Variants in ANKRD13D observed in about 807,000 individuals in gnomAD.
The protein encoded by ANKRD13D is ankyrin repeat domain-containing protein 13D.
Under a neutral mutation model 68.8 loss-of-function variants are expected in ANKRD13D, and 24 were observed. The ratio of observed to expected loss-of-function variants is 0.35; its 90% confidence interval spans 0.25 to 0.49. ANKRD13D has a LOEUF of 0.49. Among genes scored for constraint, ANKRD13D ranks in the 20% least tolerant of loss-of-function variants. The probability of loss-of-function intolerance (pLI) is 0.99; values close to 1 mark genes in which losing one functional copy is unlikely to be tolerated. For synonymous variants in ANKRD13D, 331 were observed against 336.1 expected (o/e 0.98, Z 0.16); for missense variants, 735 against 832.1 (o/e 0.88, Z 1.44).
rs1312273858 is a variant in ANKRD13D, at chr11:67,289,480, C to T, written c.20C>T (p.Thr7Ile). The change falls in exon 1 of 15, where the codon ACC becomes ATC. Residue 7 changes from threonine to isoleucine, a missense_variant. By Grantham distance (89) the Thr-to-Ile change is moderately conservative. Coordinates refer to ENST00000511455, the MANE Select transcript of ANKRD13D (RefSeq NM_207354.3). The part of the protein sequence containing the change: MAGPGP[T>I]FPLHRLVWAN... ...CCCAGCATGGCCGGCCCGGGCCCCA[C>T]CTTCCCGCTGCACCGGCTCGTCTGG... 3 of 1,509,946 alleles carry T rather than the reference C, an allele frequency of 2.0e-6. No homozygotes were observed. The highest frequency in any genetic ancestry group is 2.9e-5 in the African/African-American group (2 of 69,426). 93.5% of individuals were successfully genotyped at this position (1,509,946 alleles called of 1,614,324 possible).
Position 67,290,627 on chromosome 11 carries a change from C to T in ANKRD13D, c.351+181C>T. The T allele has an allele frequency of 3.1e-6, 3 of 982,402 alleles. No individual in the cohort carries two copies. The South Asian group carries it at 5.4e-5, about 18-fold the overall frequency. The allele number at this position is 982,402 out of a possible 1,614,324, so 60.9% of individuals were successfully genotyped here. ...CGTAGGAAAGAGAGACGGCCAGGCT[C>T]ACGTGGGAGAGACTGGACCCTTTGG... is the stretch of plus-strand genomic sequence containing the variant. On this transcript the variant is annotated intron_variant, in intron 3 of 14. Coordinates refer to ENST00000511455, the MANE Select transcript of ANKRD13D (RefSeq NM_207354.3).
intron 3 of ANKRD13D, 124 bp from the exon 4 acceptor site, chr11:67,291,352 A>C (rs1207912404): frequency 1.4e-5 from 2 of 143,198 alleles, no homozygotes; most frequent in Non-Finnish European, 2.7e-5. Context: ...AGCAAGTCTC[A>C]AAAAAAAAAA....
chr11:67,300,113 A>G lies in ANKRD13D; in HGVS notation c.1063A>G (p.Lys355Glu). 2 of 1,613,960 alleles carry G rather than the reference A, an allele frequency of 1.2e-6. No homozygotes were observed. The highest frequency in any genetic ancestry group is 2.2e-5 in the South Asian group (2 of 91,080). The change falls in exon 10 of 15, where the codon AAA becomes GAA. Residue 355 changes from lysine (K) to glutamate (E), a missense_variant. By Grantham distance (56) the Lys-to-Glu change is moderately conservative. Coordinates refer to ENST00000511455, the MANE Select transcript of ANKRD13D (RefSeq NM_207354.3). This position sits in a 1 kb window ranked among gnomAD's most constrained non-coding sequence, Gnocchi z 4.3. Reference sequence around the variant, plus strand: ...TGGCCGCCCCATCGAGATGTCCAGCAAAGTACAGAGGTGAGGTCTGAGAGC... The same window carrying G: ...TGGCCGCCCCATCGAGATGTCCAGCGAAGTACAGAGGTGAGGTCTGAGAGC... ...NIGRPIEMSS[K>E]VQRFKATLWL...
At position 67,301,772 on chromosome 11, in the gene ANKRD13D, C is replaced by G. The variant is rs543185904; in HGVS notation, c.1553C>G (p.Ala518Gly). The G allele has an allele frequency of 4.3e-4, 688 of 1,610,042 alleles. 5 individuals carry two copies. The East Asian group carries it at 0.012, about 27-fold the overall frequency. The change falls in exon 14 of 15, where the codon GCC becomes GGC. Residue 518 changes from alanine to glycine, a missense_variant. Ala to Gly is a moderately conservative substitution (Grantham distance 60). Transcript: ENST00000511455. This position sits in a 1 kb window ranked among gnomAD's most constrained non-coding sequence, Gnocchi z 4.5. ...GCCCTGACCAACACCCGGCCCGGTG[C>G]CCGCCCTCCTCCCCAGGCCACGGTT... ...WEALTNTRPG[A>G]RPPPQATVYE...
At chr11:67,289,837 A>G in intron 1 of ANKRD13D, 1 of 1,424,116 alleles carries the variant, frequency 7.0e-7, no homozygotes, top group Non-Finnish European at 9.1e-7. Flanking sequence ...AGGTTCCGCC[A>G]AACTCCTGAC....
rs201807860 is a variant in ANKRD13D at position 67,301,294 on chromosome 11, T to C, written c.1244T>C (p.Phe415Ser). ...TGTCTTCTCACAGAGATTCCCCTTTTCCACGTGCTCAATGCCCGCATCACC... is the reference window on the plus strand; with the variant it reads ...TGTCTTCTCACAGAGATTCCCCTTTCCCACGTGCTCAATGCCCGCATCACC... ...GFPVKIEIPL[F>S]HVLNARITFS... is the part of the protein sequence containing the mutation. Residue 415 changes from phenylalanine (F) to serine (S), a missense_variant, in exon 12 of 15, where the codon TTC (phenylalanine) becomes TCC (serine). Physicochemically the swap from Phe to Ser is radical, Grantham distance 155. Coordinates refer to ENST00000511455, the MANE Select transcript of ANKRD13D (RefSeq NM_207354.3). The surrounding 1 kb of genome is among the most constrained non-coding windows in gnomAD (Gnocchi z 4.5). 4 of 1,612,230 alleles carry C rather than the reference T, an allele frequency of 2.5e-6. No individual in the cohort carries two copies. The highest frequency in any genetic ancestry group is 1.7e-5 in the Admixed American group (1 of 59,788).
chr11:67,291,634 T>C lies in ANKRD13D; in HGVS notation c.429T>C (p.Asp143=). Residue 143 remains aspartate, a synonymous_variant, in exon 5 of 15, where the codon GAT becomes GAC. Transcript: ENST00000511455. ...VPLVSKMCPS[D]VYRVWKRGES... is the part of the protein sequence containing the mutation. ...TTGTGTCTAAGATGTGCCCAAGCGA[T>C]GTGTACCGCGTGTGGAAGCGGGGTG... 2.5e-6 allele frequency: 4 copies of C among 1,614,012 alleles called. No individual in the cohort carries two copies. The highest frequency in any genetic ancestry group is 3.4e-6 in the Non-Finnish European group (4 of 1,180,032).
chr11:67,289,687 C>T (rs1311413908), intron 1 of ANKRD13D, 137 bp downstream of exon 1: 1 of 1,293,230 alleles, frequency 7.7e-7, no homozygotes, highest in African/African-American at 1.6e-5. Context: ...CCTGCACGAT[C>T]CCAAGCCCAG....
At chr11:67,298,056 CTTTTTTTTTTTT>C (rs200939455) in intron 6 of ANKRD13D, 2 of 130,000 alleles carry the variant, frequency 1.5e-5, no homozygotes, top group African/African-American at 7.6e-5. Context: ...TTGAGGTTTT[CTTTTTTTTTTTT>C]TTTTTTTTTT....
chr11:67,302,362 A>C lies in ANKRD13D; in HGVS notation c.*30A>C. On this transcript the variant is annotated 3_prime_UTR_variant, in exon 15 of 15. Transcript: ENST00000511455. ...TAGCCCCGGGAGGGCTGGCCAGGCC[A>C]CTCCCTGCCCGCTTTTGTAATTTAT... 6.9e-7 allele frequency: 1 copy of C among 1,454,926 alleles called. No homozygotes were observed. Among genetic ancestry groups the C allele is most frequent in the Non-Finnish European group, 9.1e-7 (1 of 1,097,116 alleles). The allele number at this position is 1,454,926 out of a possible 1,614,324, so 90.1% of individuals were successfully genotyped here.
In ANKRD13D at chr11:67,292,090, C is replaced by G; in HGVS notation, c.641C>G (p.Ala214Gly). ...TLQEPETLLA[A>G]MRPSEEHVAS... ...CAGGAGCCCGAAACACTGCTGGCCG[C>G]CATGCGGCCCAGCGAGGAGCATGTG... is the stretch of plus-strand genomic sequence containing the variant. Residue 214 changes from alanine to glycine, a missense_variant, in exon 6 of 15, where the codon GCC becomes GGC. By Grantham distance (60) the Ala-to-Gly change is moderately conservative. Transcript: ENST00000511455. 6.2e-7 allele frequency: 1 copy of G among 1,612,506 alleles called. No homozygotes were observed. The highest frequency in any genetic ancestry group is 8.5e-7 in the Non-Finnish European group (1 of 1,178,956).
chr11:67,296,826 C>T (rs1860772582), intron 6 of ANKRD13D, among the ~76,000 whole-genome samples: 1 of 152,012 alleles, frequency 6.6e-6, no homozygotes, highest in South Asian at 2.1e-4. Flanking sequence ...CTCACTATGT[C>T]ATCCAGGCTG....
intron 3 of ANKRD13D, chr11:67,290,821 C>G (rs1244707355): frequency 9.5e-6 from 2 of 211,008 alleles, no homozygotes; most frequent in Non-Finnish European, 2.0e-5. Context: ...TATCTCATAC[C>G]CCCTACCCCA....
chr11:67,302,236 G>T lies in ANKRD13D; in HGVS notation c.1722G>T (p.Glu574Asp). Residue 574 changes from glutamate (E) to aspartate (D), a missense_variant, in exon 15 of 15, where the codon GAG becomes GAT. Transcript: ENST00000511455. ...SFEEQLRLALELSSREQEERE... is the reference protein window; with the variant it reads ...SFEEQLRLALDLSSREQEERE... The stretch of plus-strand genomic sequence containing the variant: ...AAGAGCAGCTGCGCCTGGCCCTGGA[G>T]TTGTCTTCACGGGAGCAGGAGGAGC... 3 of 1,576,944 alleles carry T rather than the reference G, an allele frequency of 1.9e-6. No individual in the cohort carries two copies. The highest frequency in any genetic ancestry group is 1.7e-6 in the Non-Finnish European group (2 of 1,161,212).
chr11:67,291,510 T>C lies in ANKRD13D; in HGVS notation c.386T>C (p.Phe129Ser). Residue 129 changes from phenylalanine to serine, a missense_variant, in exon 4 of 15, where the codon TTC becomes TCC. By Grantham distance (155) the Phe-to-Ser change is radical. Transcript: ENST00000511455. ...TTCTACGTTGAGATGAAGTGGGAGT[T>C]CACCAGCTGGGGTGAGTGGGGACCT... is the stretch of plus-strand genomic sequence containing the variant. Reference protein sequence around the residue: ...PDFYVEMKWEFTSWVPLVSKM... With the variant: ...PDFYVEMKWESTSWVPLVSKM... 6.2e-7 allele frequency: 1 copy of C among 1,613,926 alleles called. No homozygotes were observed. Among genetic ancestry groups the C allele is most frequent in the Non-Finnish European group, 8.5e-7 (1 of 1,179,966 alleles).
chr11:67,289,309 CCTGCCGCCCGCG>C lies in ANKRD13D; in HGVS notation c.-143_-132del, dbSNP rs1291501402. The C allele has an allele frequency of 5.6e-5, 15 of 266,124 alleles. No homozygotes were observed. Among genetic ancestry groups the C allele is most frequent in the South Asian group, 5.2e-4 (4 of 7,746 alleles). 16.5% of individuals were successfully genotyped at this position (266,124 alleles called of 1,614,324 possible). On this transcript the variant is annotated 5_prime_UTR_variant, in exon 1 of 15. Transcript: ENST00000511455. ...CCGCTCCGCCGCCCGCCCCGCCCTCCCTGCCGCCCGCGCTGCCGCCGCCGCCGCCGCCGCCGC... is the reference window on the plus strand; with the variant it reads ...CCGCTCCGCCGCCCGCCCCGCCCTCCCTGCCGCCGCCGCCGCCGCCGCCGC...
intron 6 of ANKRD13D, among the ~76,000 whole-genome samples, chr11:67,293,150 T>TC (rs1355746623): frequency 1.3e-5 from 2 of 152,234 alleles, no homozygotes; most frequent in African/African-American, 4.8e-5. Flanking sequence ...AATTTCTCTT[T>TC]CATATGTTTT....
At position 67,301,823 on chromosome 11, in the gene ANKRD13D, G is replaced by T. The variant is rs778572218; in HGVS notation, c.1604G>T (p.Arg535Leu). 6.3e-7 allele frequency: 1 copy of T among 1,591,746 alleles called. No homozygotes were observed. The highest frequency in any genetic ancestry group is 2.3e-5 in the East Asian group (1 of 44,124). The change falls in exon 14 of 15, where the codon CGG (arginine) becomes CTG (leucine). Residue 535 changes from arginine to leucine, a missense_variant and splice_region_variant. Arg to Leu is a moderately radical substitution (Grantham distance 102). Transcript: ENST00000511455. This position sits in a 1 kb window ranked among gnomAD's most constrained non-coding sequence, Gnocchi z 4.5. Reference sequence around the variant, plus strand: ...TATGAGGAACAGCTTCAGCTGGAGCGGTGAGCCCCTCATGGGGCTGGCTGG... The same window carrying T: ...TATGAGGAACAGCTTCAGCTGGAGCTGTGAGCCCCTCATGGGGCTGGCTGG... ...TVYEEQLQLE[R>L]ALQESLQLST...
At chr11:67,293,822 AC>A (rs1860668685) in intron 6 of ANKRD13D, among the ~76,000 whole-genome samples, 1 of 152,110 alleles carries the variant, frequency 6.6e-6, no homozygotes, top group Non-Finnish European at 1.5e-5. Context: ...CTATCCCTTC[AC>A]CCATTTAAAA....
Sources: allele counts gnomAD v4.1 joint callset (sites outside exome capture counted in the v4.1 genomes callset), GRCh38; gene constraint gnomAD v4.1.1; non-coding constraint Gnocchi (gnomAD v3.1); transcripts MANE v1.5; gene names NCBI Gene and HGNC (gene_info 2026-07-23, HGNC 2026-07-21).